Variants in SENP7 observed in about 807,000 individuals in gnomAD.
SENP7 encodes sentrin-specific protease 7.
SENP7 carries 64 observed loss-of-function variants against 141.2 expected under a neutral mutation model. That is an observed-to-expected ratio of 0.45 (90% CI 0.37 to 0.56). The LOEUF (loss-of-function observed/expected upper bound fraction) is 0.56, where lower values mean the gene tolerates loss of function less well. SENP7 is among the 20% of genes least tolerant of loss of function. The probability of loss-of-function intolerance (pLI) is 0.00; values close to 1 mark genes in which losing one functional copy is unlikely to be tolerated. For synonymous variants in SENP7, 382 were observed against 426.4 expected (o/e 0.90, Z 1.28); for missense variants, 1,025 against 1,212.2 (o/e 0.85, Z 2.29).
intron 3 of SENP7, among the ~76,000 whole-genome samples, chr3:101,470,317 G>A (rs779412770): frequency 7.9e-5 from 12 of 152,248 alleles, no homozygotes; most frequent in South Asian, 4.1e-4. Flanking sequence ...CAATCAAGTC[G>A]GCTTCATCCC....
intron 3 of SENP7, among the ~76,000 whole-genome samples, chr3:101,461,035 G>A: frequency 6.6e-6 from 1 of 151,766 alleles, no homozygotes; most frequent in Non-Finnish European, 1.5e-5. Context: ...AATGTGAATA[G>A]ATATTTCTCC....
intron 18 of SENP7, 72 bp from the exon 19 acceptor site, chr3:101,332,181 T>G: frequency 7.2e-7 from 1 of 1,398,432 alleles, no homozygotes; most frequent in Non-Finnish European, 9.7e-7. Flanking sequence ...TAGAGATACA[T>G]CTGAGAAAGT....
intron 3 of SENP7, 51 bp from the exon 4 acceptor site, chr3:101,459,103 A>G (rs1559859298): frequency 9.5e-7 from 1 of 1,049,768 alleles, no homozygotes; most frequent in Admixed American, 2.1e-5. Flanking sequence ...ATATGACAAG[A>G]GGCATTTAAA....
chr3:101,397,495 A>C (rs1265405964), intron 6 of SENP7, among the ~76,000 whole-genome samples: 1 of 152,184 alleles, frequency 6.6e-6, no homozygotes, highest in Non-Finnish European at 1.5e-5. Context: ...AAATTTAGTA[A>C]CTGAATAATG....
At chr3:101,460,940 A>G (rs569059675) in intron 3 of SENP7, among the ~76,000 whole-genome samples, 3 of 152,280 alleles carry the variant, frequency 2.0e-5, no homozygotes, top group South Asian at 4.1e-4. Context: ...CTTAAAAGAA[A>G]AAAAGGTATA....
At chr3:101,470,630 A>T (rs905603611) in intron 3 of SENP7, among the ~76,000 whole-genome samples, 5 of 152,208 alleles carry the variant, frequency 3.3e-5, no homozygotes, top group African/African-American at 1.2e-4. Flanking sequence ...TATTCAACAT[A>T]GTATTGGAAG....
intron 9 of SENP7, among the ~76,000 whole-genome samples, chr3:101,366,091 A>G (rs767421159): frequency 5.9e-5 from 9 of 152,238 alleles, no homozygotes; most frequent in Non-Finnish European, 1.3e-4. Context: ...AATGATAATA[A>G]TCAGATAGCA....
chr3:101,342,161 C>T (rs1387455666), intron 14 of SENP7, among the ~76,000 whole-genome samples: 1 of 151,776 alleles, frequency 6.6e-6, no homozygotes, highest in African/African-American at 2.4e-5. Flanking sequence ...AATTAGGATG[C>T]AAAATATTGA....
intron 6 of SENP7, among the ~76,000 whole-genome samples, chr3:101,383,040 T>TA (rs1314813484): frequency 5.3e-5 from 8 of 152,190 alleles, no homozygotes; most frequent in African/African-American, 1.9e-4. Flanking sequence ...ACATATTCAC[T>TA]AAAAATGATT....
chr3:101,489,694 AC>A (rs2064882738), intron 3 of SENP7, among the ~76,000 whole-genome samples: 1 of 152,202 alleles, frequency 6.6e-6, no homozygotes. Context: ...TAGTTAGGCA[AC>A]CACATCATAA....
At chr3:101,501,014 A>G in intron 2 of SENP7, 56 bp downstream of exon 2, 1 of 1,175,632 alleles carries the variant, frequency 8.5e-7, no homozygotes, top group South Asian at 1.4e-5. Context: ...ACAGCAAAAT[A>G]CTTTCAATAT....
intron 1 of SENP7, among the ~76,000 whole-genome samples, chr3:101,502,029 G>T (rs755726571): frequency 9.2e-5 from 14 of 152,192 alleles, no homozygotes; most frequent in Non-Finnish European, 1.6e-4. Context: ...AAAGCATCTA[G>T]ATTTAAGTAG....
chr3:101,444,923 T>A (rs947595439), intron 4 of SENP7, among the ~76,000 whole-genome samples: 2 of 144,734 alleles, frequency 1.4e-5, no homozygotes, highest in Non-Finnish European at 2.9e-5. Flanking sequence ...TAAATAAAAA[T>A]AATAATAGCT....
At position 101,347,950 on chromosome 3, in the gene SENP7, T is replaced by C. The variant is rs565966266; in HGVS notation, c.1759A>G (p.Ile587Val). ...TCTGAAGAGACCCAGAAGAAAAGAA[T>C]AGCATGACTCCTTTTACTGTGATTA... ...DDNHSKRSHAILFFWVSSDYL... is the reference protein window; with the variant it reads ...DDNHSKRSHAVLFFWVSSDYL... The change falls in exon 13 of 24, where the codon ATT (isoleucine) becomes GTT (valine). Residue 587 changes from isoleucine to valine, a missense_variant. Ile to Val is a conservative substitution (Grantham distance 29, BLOSUM62 3). Around this residue, in one of 4 missense-constraint regions of SENP7, gnomAD observed 228 missense variants for 228.5 expected, o/e 1.00. Transcript: ENST00000394095. 19 of 1,609,700 alleles carry C rather than the reference T, an allele frequency of 1.2e-5. No homozygotes were observed. The highest frequency in any genetic ancestry group is 5.3e-5 in the African/African-American group (4 of 74,826).
At chr3:101,443,912 G>A (rs1378396348) in intron 4 of SENP7, among the ~76,000 whole-genome samples, 1 of 151,364 alleles carries the variant, frequency 6.6e-6, no homozygotes, top group Non-Finnish European at 1.5e-5. Flanking sequence ...TGACTAAAAA[G>A]CTTCTGCACA....
intron 9 of SENP7, among the ~76,000 whole-genome samples, chr3:101,365,331 C>T (rs1348657751): frequency 6.6e-6 from 1 of 151,506 alleles, no homozygotes; most frequent in Non-Finnish European, 1.5e-5. Context: ...GTGTAACAAT[C>T]ACATATCAAA....
chr3:101,475,561 A>G (rs2064183023), intron 3 of SENP7, among the ~76,000 whole-genome samples: 1 of 152,060 alleles, frequency 6.6e-6, no homozygotes, highest in Non-Finnish European at 1.5e-5. Context: ...ACGAAGGGAA[A>G]AAGAACATCA....
At chr3:101,477,111 C>A (rs2064251431) in intron 3 of SENP7, among the ~76,000 whole-genome samples, 5 of 152,062 alleles carry the variant, frequency 3.3e-5, no homozygotes, top group Admixed American at 3.3e-4. Context: ...TAATTAGATC[C>A]CATTTGTCAA....
At chr3:101,424,839 C>G (rs2061905745) in intron 4 of SENP7, among the ~76,000 whole-genome samples, 1 of 152,222 alleles carries the variant, frequency 6.6e-6, no homozygotes, top group Non-Finnish European at 1.5e-5. Context: ...TACAGTTTGG[C>G]TGTGTTCCCA....
Sources: gnomAD v4.1 joint callset for allele counts (sites outside exome capture counted in the v4.1 genomes callset) on GRCh38, gnomAD v4.1.1 for gene constraint, gnomAD v4.1.1 regional missense constraint, MANE v1.5 for transcripts, NCBI Gene and HGNC (gene_info 2026-07-23, HGNC 2026-07-21) for gene names.